HAVCR2: variants seen among roughly 807,000 people sequenced by gnomAD.
HAVCR2 encodes the protein hepatitis A virus cellular receptor 2.
In HAVCR2, 13 loss-of-function variants were observed where a neutral mutation model predicts 24.7. The observed-to-expected ratio is 0.53, with a 90% confidence interval of 0.34 to 0.84. HAVCR2 has a LOEUF of 0.84. HAVCR2 is among the 40% of genes least tolerant of loss of function. HAVCR2 has a pLI of 0.01. For missense variants in HAVCR2, 343 were observed against 371.2 expected (o/e 0.92, Z 0.62); for synonymous variants, 154 against 143.4 (o/e 1.07, Z -0.53).
chr5:157,095,893 A>G (rs1757088727), intron 4 of HAVCR2, among the ~76,000 whole-genome samples: 2 of 152,104 alleles, frequency 1.3e-5, no homozygotes, highest in African/African-American at 4.8e-5. Context: ...CAGTGATTCA[A>G]TAGCCAAGAC....
At position 157,087,299 on chromosome 5, in the gene HAVCR2, G is replaced by A; in HGVS notation, c.714-5C>T. 1 of 1,601,122 alleles carries A rather than the reference G, an allele frequency of 6.2e-7. No homozygotes were observed. Among genetic ancestry groups the A allele is most frequent in the Non-Finnish European group, 8.5e-7 (1 of 1,175,496 alleles). ...AGGTTGGCCAAAGAGATGAGGCTGT[G>A]GAAATAAAGTGTTGCGGTTGAGTTA... is the stretch of plus-strand genomic sequence containing the variant. On this transcript the variant is annotated splice_region_variant and splice_polypyrimidine_tract_variant and intron_variant, in intron 6 of 6. Transcript: ENST00000307851.
rs1226274789 is a variant in HAVCR2 at position 157,106,515 on chromosome 5, GC to G, written c.394+111del. On this transcript the variant is annotated intron_variant, in intron 2 of 6. Transcript: ENST00000307851. ...GCCTGTTAAACTTTAGGTCTTAGTG[GC>G]CCTCCTCCAGGGCTATAATTAGGGA... The G allele has an allele frequency of 1.1e-4, 92 of 830,640 alleles. 1 individual carries two copies. Among genetic ancestry groups the G allele is most frequent in the Non-Finnish European group, 1.7e-4 (86 of 521,058 alleles). The allele number at this position is 830,640 out of a possible 1,614,324, so 51.5% of individuals were successfully genotyped here. A position where few individuals can be genotyped will look rare whatever the true frequency, so the allele number is the denominator to read the frequency against.
rs532968978 is a variant in HAVCR2, at chr5:157,093,672, CA to C, written c.676+1633del. On this transcript the variant is annotated intron_variant, in intron 5 of 6. Coordinates refer to ENST00000307851, the MANE Select transcript of HAVCR2 (RefSeq NM_032782.5). Reference sequence around the variant, plus strand: ...TTATAAAAGTGTGTGAGTGGCCAGGCACAGTGGCTCACGCCTGTAATCCCAA... The same window carrying C: ...TTATAAAAGTGTGTGAGTGGCCAGGCCAGTGGCTCACGCCTGTAATCCCAA... Among the ~76,000 whole-genome samples the C allele has an allele frequency of 4.6e-5, 7 of 152,234 alleles. No individual in the cohort carries two copies. In the South Asian group the frequency reaches 1.5e-3, roughly 32 times the overall value.
intron 3 of HAVCR2, among the ~76,000 whole-genome samples, chr5:157,100,591 A>G (rs768408023): frequency 6.6e-6 from 1 of 152,166 alleles, no homozygotes; most frequent in Non-Finnish European, 1.5e-5. Context: ...ATGCTTACTC[A>G]TTTTTATGGC....
chr5:157,108,735 T>C (rs1046494712), intron 1 of HAVCR2, among the ~76,000 whole-genome samples, 191 bp downstream of exon 1: 2 of 152,216 alleles, frequency 1.3e-5, no homozygotes, highest in African/African-American at 4.8e-5. Flanking sequence ...TATACCAGTA[T>C]GTTTTGTCAG....
At chr5:157,102,025 C>T (rs1249697923) in intron 3 of HAVCR2, among the ~76,000 whole-genome samples, 4 of 149,042 alleles carry the variant, frequency 2.7e-5, no homozygotes, top group African/African-American at 9.9e-5. Flanking sequence ...CGGTTCACTC[C>T]TCCCAGGCTC....
chr5:157,097,539 C>T (rs1757109564), intron 4 of HAVCR2, among the ~76,000 whole-genome samples: 1 of 152,108 alleles, frequency 6.6e-6, no homozygotes, highest in African/African-American at 2.4e-5. Flanking sequence ...GGATTACAGG[C>T]ATGAGACACT....
At chr5:157,102,840 C>G (rs936063487) in intron 3 of HAVCR2, among the ~76,000 whole-genome samples, 1 of 146,372 alleles carries the variant, frequency 6.8e-6, no homozygotes, top group Non-Finnish European at 1.5e-5. Context: ...GAGGCTGAGG[C>G]AGGAGAATGG....
chr5:157,086,046 G>GCTT lies in HAVCR2; in HGVS notation c.*1053_*1055dup, dbSNP rs1203125331. Reference sequence around the variant, plus strand: ...CAACAGAATTTGTGTCCCCGTCACTGCTTCTTCTTCTGTGAAAAATATAGC... The same window carrying GCTT: ...CAACAGAATTTGTGTCCCCGTCACTGCTTCTTCTTCTTCTGTGAAAAATATAGC... On this transcript the variant is annotated 3_prime_UTR_variant, in exon 7 of 7. Coordinates refer to ENST00000307851, the MANE Select transcript of HAVCR2 (RefSeq NM_032782.5). 2.0e-5 allele frequency: 3 copies of GCTT among 152,182 alleles called. No homozygotes were observed. 9.4% of individuals were successfully genotyped at this position (152,182 alleles called of 1,614,324 possible).
At chr5:157,104,258 C>G (rs1476727879) in intron 3 of HAVCR2, among the ~76,000 whole-genome samples, 1 of 152,144 alleles carries the variant, frequency 6.6e-6, no homozygotes, top group African/African-American at 2.4e-5. Context: ...GGGCTTTATT[C>G]TAGCTAGAAG....
At chr5:157,095,552 C>A in intron 4 of HAVCR2, 93 bp from the exon 5 acceptor site, 1 of 1,383,838 alleles carries the variant, frequency 7.2e-7, no homozygotes. Context: ...ATCCCTTTTA[C>A]AACATCACAG....
At chr5:157,096,517 G>T (rs1339810902) in intron 4 of HAVCR2, among the ~76,000 whole-genome samples, 1 of 152,010 alleles carries the variant, frequency 6.6e-6, no homozygotes, top group Non-Finnish European at 1.5e-5. Context: ...GGTGGCTCAC[G>T]CCTGTAGTCC....
At chr5:157,088,878 A>G in intron 6 of HAVCR2, 63 bp downstream of exon 6, 1 of 1,359,520 alleles carries the variant, frequency 7.4e-7, no homozygotes, top group Non-Finnish European at 1.0e-6. Context: ...AAAAGATCAG[A>G]CATGTTAGAG....
intron 3 of HAVCR2, among the ~76,000 whole-genome samples, chr5:157,103,000 A>G (rs1293088434): frequency 6.6e-6 from 1 of 151,878 alleles, no homozygotes; most frequent in Non-Finnish European, 1.5e-5. Context: ...AGAGACAAGT[A>G]TAAGGAAATG....
intron 3 of HAVCR2, among the ~76,000 whole-genome samples, chr5:157,103,773 C>T (rs1020273737): frequency 2.0e-5 from 3 of 152,150 alleles, no homozygotes; most frequent in Admixed American, 2.0e-4. Context: ...AACTGAGCTT[C>T]AGAGAATTTG....
chr5:157,089,001 AATAAAAATGCATTC>A, intron 5 of HAVCR2, 24 bp from the exon 6 acceptor site: 1 of 1,590,060 alleles, frequency 6.3e-7, no homozygotes, highest in Non-Finnish European at 8.6e-7. Flanking sequence ...AACAAAAGCC[AATAAAAATGCATTC>A]ATAAAATAAA....
rs556443053 is a variant in HAVCR2, at chr5:157,092,878, C to CAAAAAAA, written c.676+2421_676+2427dup. 1.6e-3 allele frequency among the ~76,000 whole-genome samples: 71 copies of CAAAAAAA among 44,040 alleles called. 19 individuals are homozygous for CAAAAAAA. The highest frequency in any genetic ancestry group is 1.9e-3 in the Non-Finnish European group (42 of 21,714). 28.9% of individuals were successfully genotyped at this position (44,040 alleles called of 152,430 possible). On this transcript the variant is annotated intron_variant, in intron 5 of 6. Coordinates refer to ENST00000307851, the MANE Select transcript of HAVCR2 (RefSeq NM_032782.5). ...CAACATGGCAAAACCCTGTCTCTACCAAAAAAAAAAAAAAAAAAAAAAAAA... is the reference window on the plus strand; with the variant it reads ...CAACATGGCAAAACCCTGTCTCTACCAAAAAAAAAAAAAAAAAAAAAAAAAAAAAAAA...
At chr5:157,105,427 G>A (rs1158671709) in intron 2 of HAVCR2, among the ~76,000 whole-genome samples, 1 of 151,936 alleles carries the variant, frequency 6.6e-6, no homozygotes, top group African/African-American at 2.4e-5. Flanking sequence ...CTTTTCCTTT[G>A]AATGTCATGT....
chr5:157,087,273 G>A lies in HAVCR2; in HGVS notation c.735C>T (p.Leu245=), dbSNP rs191050706. 6.2e-6 allele frequency: 10 copies of A among 1,610,388 alleles called. No homozygotes were observed. In the East Asian group the frequency reaches 2.2e-4, roughly 36 times the overall value. Reference sequence around the variant, plus strand: ...CTGCATTTGCCAATCCTGAGGGAGGGAGGTTGGCCAAAGAGATGAGGCTGT... The same window carrying A: ...CTGCATTTGCCAATCCTGAGGGAGGAAGGTTGGCCAAAGAGATGAGGCTGT... The part of the protein sequence containing the change: ...QNLSLISLAN[L]PPSGLANAVA... The change falls in exon 7 of 7, where the codon CTC becomes CTT. Residue 245 remains leucine (L), a synonymous_variant. Coordinates refer to ENST00000307851, the MANE Select transcript of HAVCR2 (RefSeq NM_032782.5).
Sources: gnomAD v4.1 joint callset for allele counts (sites outside exome capture counted in the v4.1 genomes callset) on GRCh38, gnomAD v4.1.1 for gene constraint, MANE v1.5 for transcripts, NCBI Gene and HGNC (gene_info 2026-07-23, HGNC 2026-07-21) for gene names.